Variants in MYO1E observed in about 807,000 individuals in gnomAD.
MYO1E encodes myosin IE.
Under a neutral mutation model 151.1 loss-of-function variants are expected in MYO1E, and 68 were observed. The ratio of observed to expected loss-of-function variants is 0.45; its 90% CI spans 0.37 to 0.55. The LOEUF (loss-of-function observed/expected upper bound fraction) is 0.55. MYO1E is among the 20% of genes least tolerant of loss of function. MYO1E has a pLI of 0.00. For synonymous variants in MYO1E, 601 were observed against 501.7 expected (o/e 1.20, Z -2.64); for missense variants, 1,363 against 1,389.3 (o/e 0.98, Z 0.30).
At chr15:59,191,159 G>C (rs1358889151) in intron 17 of MYO1E, among the ~76,000 whole-genome samples, 1 of 152,098 alleles carries the variant, frequency 6.6e-6, no homozygotes, top group African/African-American at 2.4e-5. Context: ...GAAAGCCTCT[G>C]TGTGCAAAGA....
At chr15:59,318,788 T>C (rs776045215) in intron 1 of MYO1E, among the ~76,000 whole-genome samples, 7 of 152,200 alleles carry the variant, frequency 4.6e-5, no homozygotes, top group Non-Finnish European at 1.0e-4. Flanking sequence ...GAGACAGATG[T>C]TGTTATTATC....
intron 1 of MYO1E, among the ~76,000 whole-genome samples, chr15:59,295,540 C>T (rs1325940390): frequency 6.6e-6 from 1 of 152,208 alleles, no homozygotes; most frequent in African/African-American, 2.4e-5. Flanking sequence ...CCAGGTCATG[C>T]AGAAAAACTG....
chr15:59,167,760 T>C (rs1296284885), intron 22 of MYO1E, among the ~76,000 whole-genome samples: 1 of 152,228 alleles, frequency 6.6e-6, no homozygotes, highest in Non-Finnish European at 1.5e-5. Flanking sequence ...CACTGCACCC[T>C]CCGCCTCCTG....
At chr15:59,160,987 A>C (rs2140310545) in intron 24 of MYO1E, 86 bp downstream of exon 24, 2 of 1,543,822 alleles carry the variant, frequency 1.3e-6, no homozygotes, top group East Asian at 4.5e-5. Flanking sequence ...CTCAGCCCCC[A>C]CATCTGTGCA....
At chr15:59,150,851 G>A (rs1222551378) in intron 26 of MYO1E, among the ~76,000 whole-genome samples, 4 of 152,124 alleles carry the variant, frequency 2.6e-5, no homozygotes, top group Admixed American at 2.6e-4. Context: ...CAGAAACGCG[G>A]AAAGTGGGCC....
chr15:59,175,766 C>G (rs1445115489), intron 19 of MYO1E, among the ~76,000 whole-genome samples: 1 of 152,128 alleles, frequency 6.6e-6, no homozygotes, highest in Non-Finnish European at 1.5e-5. Context: ...ACAGAAAATA[C>G]ACTTGTGACT....
chr15:59,203,031 G>A (rs2079811686), intron 15 of MYO1E, among the ~76,000 whole-genome samples: 1 of 151,988 alleles, frequency 6.6e-6, no homozygotes, highest in South Asian at 2.1e-4. Flanking sequence ...CAGGCATGAG[G>A]CACTGCGCCT....
intron 3 of MYO1E, among the ~76,000 whole-genome samples, chr15:59,261,188 GA>G (rs1490285110): frequency 6.6e-6 from 1 of 150,550 alleles, no homozygotes. Context: ...TGGGCAACAA[GA>G]GCAAAATTCT....
At chr15:59,216,568 A>G (rs1219645063) in intron 10 of MYO1E, among the ~76,000 whole-genome samples, 11 of 68,542 alleles carry the variant, frequency 1.6e-4, no homozygotes, top group East Asian at 1.6e-3. Flanking sequence ...ATATTCATAT[A>G]TAAGAGTTTA....
chr15:59,289,799 C>T (rs2080408347), intron 1 of MYO1E, among the ~76,000 whole-genome samples: 1 of 152,162 alleles, frequency 6.6e-6, no homozygotes, highest in South Asian at 2.1e-4. Context: ...ACAAACTGAC[C>T]ATGTCTGATG....
intron 4 of MYO1E, among the ~76,000 whole-genome samples, chr15:59,248,096 C>G (rs1224090402): frequency 7.5e-6 from 1 of 132,492 alleles, no homozygotes; most frequent in Admixed American, 8.4e-5. Flanking sequence ...CCACTGCACT[C>G]CAGCTTGGGT....
chr15:59,249,152 G>T (rs4074433), intron 4 of MYO1E, among the ~76,000 whole-genome samples: 1 of 152,028 alleles, frequency 6.6e-6, no homozygotes, highest in African/African-American at 2.4e-5. Flanking sequence ...GGCCAGGCGC[G>T]GTGGCTCACG....
chr15:59,354,517 G>A (rs919389608), intron 1 of MYO1E, among the ~76,000 whole-genome samples: 2 of 152,142 alleles, frequency 1.3e-5, no homozygotes, highest in African/African-American at 4.8e-5. Flanking sequence ...ACAGGCCTGG[G>A]TGTCCTCAGG....
At chr15:59,304,066 T>A (rs1211152000) in intron 1 of MYO1E, among the ~76,000 whole-genome samples, 2 of 148,716 alleles carry the variant, frequency 1.3e-5, no homozygotes, top group Admixed American at 1.4e-4. Flanking sequence ...CACTGCAACC[T>A]CTGCCTCCTG....
At chr15:59,314,116 G>A (rs554692144) in intron 1 of MYO1E, among the ~76,000 whole-genome samples, 2 of 152,300 alleles carry the variant, frequency 1.3e-5, no homozygotes, top group South Asian at 4.1e-4. Context: ...GTATGTTACA[G>A]AGGACTGTCA....
chr15:59,315,221 A>C (rs1387646721), intron 1 of MYO1E, among the ~76,000 whole-genome samples: 1 of 152,110 alleles, frequency 6.6e-6, no homozygotes, highest in South Asian at 2.1e-4. Flanking sequence ...TGTGTTGCCT[A>C]AACAATAGCT....
intron 21 of MYO1E, among the ~76,000 whole-genome samples, chr15:59,172,893 C>CT (rs1356670490): frequency 1.3e-5 from 2 of 152,264 alleles, no homozygotes; most frequent in Admixed American, 1.3e-4. Context: ...GTCACAGCAG[C>CT]TGGTGCCATG....
At chr15:59,209,448 G>T (rs970776869) in intron 13 of MYO1E, among the ~76,000 whole-genome samples, 1 of 75,084 alleles carries the variant, frequency 1.3e-5, no homozygotes, top group Non-Finnish European at 2.8e-5. Context: ...GAGGCCGAGG[G>T]GGGTGGATCA....
chr15:59,220,816 G>A (rs1219227089), intron 9 of MYO1E, among the ~76,000 whole-genome samples: 4 of 150,630 alleles, frequency 2.7e-5, no homozygotes, highest in South Asian at 4.2e-4. Context: ...ACAGCCAGGT[G>A]CAGTGGCTCA....
Sources: gnomAD v4.1 joint callset for allele counts (sites outside exome capture counted in the v4.1 genomes callset) on GRCh38, gnomAD v4.1.1 for gene constraint, MANE v1.5 for transcripts, NCBI Gene and HGNC (gene_info 2026-07-23, HGNC 2026-07-21) for gene names.